ANAPC5: variants seen among roughly 807,000 people sequenced by gnomAD.
The protein encoded by ANAPC5 is anaphase-promoting complex subunit 5.
Under a neutral mutation model 91.3 loss-of-function variants are expected in ANAPC5, and 60 were observed. The ratio of observed to expected loss-of-function variants is 0.66; its 90% CI spans 0.53 to 0.81. The LOEUF (loss-of-function observed/expected upper bound fraction) is 0.81. ANAPC5 is among the 40% of genes least tolerant of loss of function. The pLI is 0.00. For synonymous variants in ANAPC5, 340 were observed against 364.1 expected (o/e 0.93, Z 0.75); for missense variants, 690 against 931.5 (o/e 0.74, Z 3.37).
At position 121,345,993 on chromosome 12, in the gene ANAPC5, G is replaced by A. The variant is rs372186574; in HGVS notation, c.436C>T (p.Leu146Phe). Residue 146 changes from leucine (L) to phenylalanine (F), a missense_variant, in exon 4 of 17, where the codon CTT becomes TTT. Physicochemically the swap from Leu to Phe is conservative, Grantham distance 22. This residue lies in a region of ANAPC5 where 238 missense variants were observed against 264.9 expected (regional missense o/e 0.90). Coordinates refer to ENST00000261819, the MANE Select transcript of ANAPC5 (RefSeq NM_016237.5). The stretch of plus-strand genomic sequence containing the variant: ...AGTTTAAACACTTGGCTGAAAGAAA[G>A]CTTACTGTAGGCCAAGATCATGTGA... ...LRHMILAYSK[L>F]SFSQVFKLYT... 1.2e-6 allele frequency: 2 copies of A among 1,610,634 alleles called. No homozygotes were observed. The highest frequency in any genetic ancestry group is 1.7e-6 in the Non-Finnish European group (2 of 1,179,186).
intron 3 of ANAPC5, 190 bp from the exon 4 acceptor site, chr12:121,346,221 T>C (rs1249933150): frequency 1.9e-6 from 1 of 525,148 alleles, no homozygotes; most frequent in African/African-American, 1.9e-5. Context: ...GGTTTCTTCT[T>C]ATACAGGGCA....
intron 3 of ANAPC5, 87 bp from the exon 4 acceptor site, chr12:121,346,118 G>T: frequency 9.3e-7 from 1 of 1,075,342 alleles, no homozygotes; most frequent in Non-Finnish European, 1.3e-6. Context: ...ATGACTGTCT[G>T]CTGGAATTCT....
chr12:121,322,887 CA>C (rs935056944), intron 11 of ANAPC5, among the ~76,000 whole-genome samples: 1 of 151,934 alleles, frequency 6.6e-6, no homozygotes, highest in Non-Finnish European at 1.5e-5. Flanking sequence ...AAGCCGGGCG[CA>C]GTGGCAGGTG....
chr12:121,330,901 G>A (rs1555272838), intron 8 of ANAPC5: 1 of 458,754 alleles, frequency 2.2e-6, no homozygotes, highest in Non-Finnish European at 3.9e-6. Context: ...CAGCCACTGA[G>A]TGGCAGGTGT....
At chr12:121,325,853 C>T (rs552321406) in intron 11 of ANAPC5, among the ~76,000 whole-genome samples, 4 of 152,264 alleles carry the variant, frequency 2.6e-5, no homozygotes, top group East Asian at 3.9e-4. Flanking sequence ...GGCGACAGAG[C>T]GACACTCCGT....
intron 4 of ANAPC5, among the ~76,000 whole-genome samples, chr12:121,344,109 CA>C (rs1404460995): frequency 1.8e-4 from 28 of 152,226 alleles, no homozygotes; most frequent in African/African-American, 6.7e-4. Context: ...CATTCAGGTA[CA>C]GAACACATTC....
At chr12:121,317,702 C>T (rs1245069643) in intron 15 of ANAPC5, among the ~76,000 whole-genome samples, 4 of 152,226 alleles carry the variant, frequency 2.6e-5, no homozygotes, top group Admixed American at 6.5e-5. Context: ...CGCAATAATT[C>T]TAATGTACAG....
rs181089113 is a variant in ANAPC5, at chr12:121,352,388, G to C, written c.-48C>G. The C allele has an allele frequency of 4.5e-5, 68 of 1,495,192 alleles. No individual in the cohort carries two copies. The highest frequency in any genetic ancestry group is 5.7e-5 in the Non-Finnish European group (62 of 1,089,282). 92.6% of individuals were successfully genotyped at this position (1,495,192 alleles called of 1,614,324 possible). ...GGCCCGCGGCGCGCTGCCGCCAGTT[G>C]TCACCACAAGGCACAACACTACCGG... On this transcript the variant is annotated 5_prime_UTR_variant, in exon 1 of 17. Transcript: ENST00000261819.
intron 5 of ANAPC5, among the ~76,000 whole-genome samples, chr12:121,339,489 GAGA>G (rs1162982693): frequency 6.6e-6 from 1 of 151,724 alleles, no homozygotes; most frequent in Non-Finnish European, 1.5e-5. Context: ...ATTTCTTTTT[GAGA>G]AGGAGTCTCG....
At chr12:121,328,966 CA>C (rs1902925688) in intron 9 of ANAPC5, 1 of 153,018 alleles carries the variant, frequency 6.5e-6, no homozygotes, top group Admixed American at 6.5e-5. Flanking sequence ...ATTATCTTGT[CA>C]TTAGCTTTTG....
chr12:121,313,302 G>A (rs1054915021), intron 15 of ANAPC5, among the ~76,000 whole-genome samples: 7 of 151,982 alleles, frequency 4.6e-5, no homozygotes, highest in African/African-American at 1.7e-4. Flanking sequence ...CTCCAGCCTC[G>A]GTGACAAGAG....
chr12:121,344,887 C>G (rs1197485355), intron 4 of ANAPC5, among the ~76,000 whole-genome samples: 2 of 152,200 alleles, frequency 1.3e-5, no homozygotes, highest in Non-Finnish European at 2.9e-5. Flanking sequence ...AGCTCAAACT[C>G]CTCTCTAAGT....
chr12:121,337,202 G>GT (rs557287614), intron 6 of ANAPC5, 89 bp downstream of exon 6: 8 of 1,069,590 alleles, frequency 7.5e-6, no homozygotes, highest in African/African-American at 1.6e-5. Context: ...TGGCAACAGA[G>GT]TAAGACTCTG....
rs1348145497 is a variant in ANAPC5 at position 121,347,938 on chromosome 12, A to C, written c.208-57T>G. On this transcript the variant is annotated intron_variant, in intron 1 of 16. Coordinates refer to ENST00000261819, the MANE Select transcript of ANAPC5 (RefSeq NM_016237.5). ...TTTAAAGAGCTGGAGACTGATAAAG[A>C]ATTGCAAACATAAATTCATTTATCA... The C allele has an allele frequency of 2.5e-6, 3 of 1,177,390 alleles. No homozygotes were observed. The African/African-American group carries it at 4.6e-5, about 18-fold the overall frequency. 72.9% of individuals were successfully genotyped at this position (1,177,390 alleles called of 1,614,324 possible). A position where few individuals can be genotyped will look rare whatever the true frequency, so the allele number is the denominator to read the frequency against.
chr12:121,329,629 T>C (rs1410193506), intron 9 of ANAPC5, among the ~76,000 whole-genome samples: 1 of 151,712 alleles, frequency 6.6e-6, no homozygotes, highest in Non-Finnish European at 1.5e-5. Flanking sequence ...TTTTTTTTTT[T>C]TTTGAGATGG....
rs1269047975 is a variant in ANAPC5 at position 121,309,953 on chromosome 12, G to T, written c.1894-90C>A. The T allele has an allele frequency of 2.4e-5, 31 of 1,278,434 alleles. No individual in the cohort carries two copies. The East Asian group carries it at 4.0e-4, about 16-fold the overall frequency. 79.2% of individuals were successfully genotyped at this position (1,278,434 alleles called of 1,614,324 possible). A position where few individuals can be genotyped will look rare whatever the true frequency, so the allele number is the denominator to read the frequency against. On this transcript the variant is annotated intron_variant, in intron 15 of 16. Transcript: ENST00000261819. ...CATTTCTGGCAGTTCTCTCCTGAAT[G>T]GCTATCTCTGGCTTACCTTTTACCT...
At chr12:121,331,477 AT>A (rs782288482) in intron 7 of ANAPC5, 49 bp from the exon 8 acceptor site, 1 of 1,478,332 alleles carries the variant, frequency 6.8e-7, no homozygotes. Context: ...ACAAACATGC[AT>A]AAGCAACCAT....
intron 10 of ANAPC5, 147 bp from the exon 11 acceptor site, chr12:121,327,378 G>T: frequency 1.1e-6 from 1 of 928,636 alleles, no homozygotes; most frequent in Non-Finnish European, 1.6e-6. Flanking sequence ...CCCAGTGCCA[G>T]CAACCTTGCC....
chr12:121,346,936 GA>G lies in ANAPC5; in HGVS notation c.356del (p.Phe119SerfsTer13). On this transcript the variant is annotated frameshift_variant, in exon 3 of 17. Transcript: ENST00000261819. LOFTEE classifies it high-confidence loss of function. The stretch of plus-strand genomic sequence containing the variant: ...TGTGAACCTCTGGTTCAGTTCCAGA[GA>G]AAGAATCTGAAAGGTCATCAAAAAA... ...EQFFDDLSDS[F>X]SGTEPEVHKT... 1.2e-6 allele frequency: 2 copies of G among 1,611,924 alleles called. No homozygotes were observed. The highest frequency in any genetic ancestry group is 2.2e-5 in the South Asian group (2 of 90,624).
Sources: allele counts gnomAD v4.1 joint callset (sites outside exome capture counted in the v4.1 genomes callset), GRCh38; gene constraint gnomAD v4.1.1; regional missense constraint gnomAD v4.1.1; transcripts MANE v1.5; gene names NCBI Gene and HGNC (gene_info 2026-07-23, HGNC 2026-07-21).